Variants in SRP19 observed in about 807,000 individuals in gnomAD.
The protein encoded by SRP19 is signal recognition particle 19.
A neutral mutation model predicts 22.4 loss-of-function variants in SRP19; 11 were observed. That is an observed-to-expected ratio of 0.49 (90% CI 0.31 to 0.81). The LOEUF (loss-of-function observed/expected upper bound fraction) is 0.81. Among genes scored for constraint, SRP19 ranks in the 40% least tolerant of loss-of-function variants. SRP19 has a pLI of 0.05. For missense variants in SRP19, 168 were observed against 175.9 expected, an observed-to-expected ratio of 0.96 and a Z score of 0.25; for synonymous variants, 61 against 57.6, an observed-to-expected ratio of 1.06 and a Z score of -0.27.
chr5:112,892,738 G>A (rs560977214), exon 5 of SRP19: 834 of 1,614,028 alleles, frequency 5.2e-4, no homozygotes, highest in Non-Finnish European at 5.9e-4. Flanking sequence ...CAAGAACTCC[G>A]AGAGGAGGGA....
chr5:112,861,289 GC>G lies in SRP19; in HGVS notation c.-87del. On this transcript the variant is annotated 5_prime_UTR_variant, in exon 1 of 5. Transcript: ENST00000505459. ...GGCAGGACTTCCGGCGGAAAAGCGGGCTGTCTCGGAAACTCAGAGCCGGGTT... is the reference window on the plus strand; with the variant it reads ...GGCAGGACTTCCGGCGGAAAAGCGGGTGTCTCGGAAACTCAGAGCCGGGTT... 1 of 1,484,178 alleles carries G rather than the reference GC, an allele frequency of 6.7e-7. No individual in the cohort carries two copies. The highest frequency in any genetic ancestry group is 9.4e-7 in the Non-Finnish European group (1 of 1,062,174). 91.9% of individuals were successfully genotyped at this position (1,484,178 alleles called of 1,614,324 possible).
chr5:112,878,556 A>G (rs1767966449), intron 4 of SRP19: 1 of 531,138 alleles, frequency 1.9e-6, no homozygotes, highest in South Asian at 3.5e-5. Context: ...CAGAGGCAAA[A>G]TACATTTTCC....
intron 1 of SRP19, chr5:112,862,254 A>C (rs1229538973): frequency 3.7e-6 from 2 of 545,928 alleles, no homozygotes; most frequent in Non-Finnish European, 6.5e-6. Context: ...GACCTGTGCC[A>C]GTCTGATTGG....
chr5:112,888,571 GAA>G (rs1306639710), intron 4 of SRP19, among the ~76,000 whole-genome samples: 1,946 of 143,870 alleles, frequency 0.014, 51 homozygotes, highest in East Asian at 0.07. Flanking sequence ...CTGCAGGCAT[GAA>G]CCACCAGGCC....
intron 4 of SRP19, among the ~76,000 whole-genome samples, chr5:112,866,098 C>CA (rs889432474): frequency 1.0e-4 from 15 of 149,962 alleles, no homozygotes; most frequent in Non-Finnish European, 3.0e-5. Flanking sequence ...ACGATTATGG[C>CA]ACACTGCAGT....
chr5:112,873,069 T>C (rs1025011808), downstream of SRP19, among the ~76,000 whole-genome samples: 1 of 147,774 alleles, frequency 6.8e-6, no homozygotes, highest in East Asian at 2.0e-4. Context: ...AATATAACAG[T>C]TGTGTGCTTT....
At chr5:112,893,164 C>G (rs1180500707), downstream of SRP19, 1 of 626,908 alleles carries the variant, frequency 1.6e-6, no homozygotes, top group African/African-American at 1.9e-5. Flanking sequence ...AATCCCAGCA[C>G]TTTAGGAGGC....
intron 4 of SRP19, chr5:112,877,966 G>GAGTT (rs1223768660): frequency 1.3e-5 from 2 of 149,898 alleles, no homozygotes; most frequent in South Asian, 2.1e-4. Flanking sequence ...AGGGAATTGA[G>GAGTT]AGTTACAGGT....
exon 5 of SRP19, chr5:112,891,645 T>G: frequency 6.2e-7 from 1 of 1,606,256 alleles, no homozygotes; most frequent in East Asian, 2.2e-5. Flanking sequence ...GCAAGATGGC[T>G]GCACTTGAGA....
chr5:112,890,549 T>G (rs1244874202), intron 4 of SRP19, among the ~76,000 whole-genome samples: 1 of 150,082 alleles, frequency 6.7e-6, no homozygotes, highest in African/African-American at 2.5e-5. Context: ...GGCTAATTTT[T>G]GTACTTTTTG....
chr5:112,884,778 G>A (rs998673318), intron 4 of SRP19, among the ~76,000 whole-genome samples: 1 of 107,570 alleles, frequency 9.3e-6, no homozygotes, highest in Non-Finnish European at 1.8e-5. Flanking sequence ...TCCAGTCCTT[G>A]GCCCCCCCCC....
chr5:112,895,511 T>A (rs1227929648), downstream of SRP19: 1 of 149,736 alleles, frequency 6.7e-6, no homozygotes, highest in Non-Finnish European at 1.5e-5. Context: ...TGTCCACAGT[T>A]TTGTACCTCT....
In SRP19 at chr5:112,867,421, T is replaced by C. The variant is rs1367529631; in HGVS notation, c.319T>C (p.Tyr107His). ...GTTCCTAGGTAAGTCAGTAATGTTGTATGCAGCAGAAATGATACCTAAACT... is the reference window on the plus strand; with the variant it reads ...GTTCCTAGGTAAGTCAGTAATGTTGCATGCAGCAGAAATGATACCTAAACT... ...QFPSRKSVML[Y>H]AAEMIPKLKT... The change falls in exon 5 of 5, where the codon TAT becomes CAT. Residue 107 changes from tyrosine (Y) to histidine (H), a missense_variant. Coordinates refer to ENST00000505459, the MANE Select transcript of SRP19 (RefSeq NM_003135.3). 1.4e-5 allele frequency: 22 copies of C among 1,613,610 alleles called. No individual in the cohort carries two copies. Among genetic ancestry groups the C allele is most frequent in the Non-Finnish European group, 1.9e-5 (22 of 1,179,798 alleles).
intron 4 of SRP19, chr5:112,885,483 C>T: frequency 5.1e-6 from 1 of 195,950 alleles, no homozygotes. Flanking sequence ...CTATTTGATG[C>T]TTGACATCCC....
Position 112,888,783 on chromosome 5 carries a change from G to T in SRP19, c.302-2820G>T, listed in dbSNP as rs6862066. Among the ~76,000 whole-genome samples the T allele has an allele frequency of 4.5e-3, 683 of 150,944 alleles. 46 individuals carry two copies. The highest frequency in any genetic ancestry group is 0.016 in the African/African-American group (662 of 40,652). ...CACCTGTAGTCCCAGTGACTTGGGAGGCCAAGGTGCAAGGATTGCTTGGGC... is the reference window on the plus strand; with the variant it reads ...CACCTGTAGTCCCAGTGACTTGGGATGCCAAGGTGCAAGGATTGCTTGGGC... On this transcript the variant is annotated intron_variant, in intron 4 of 4. Transcript: ENST00000391338.
chr5:112,886,522 A>AG (rs1488364753), intron 4 of SRP19, among the ~76,000 whole-genome samples: 1 of 152,178 alleles, frequency 6.6e-6, no homozygotes, highest in Non-Finnish European at 1.5e-5. Flanking sequence ...CACATACCTG[A>AG]GGGGGCTCTT....
At chr5:112,889,878 G>A (rs1387535225) in intron 4 of SRP19, among the ~76,000 whole-genome samples, 1 of 148,692 alleles carries the variant, frequency 6.7e-6, no homozygotes, top group Non-Finnish European at 1.5e-5. Flanking sequence ...CCAGGCTGGA[G>A]TGCTGTGGCA....
rs67108157 is a variant in SRP19, at chr5:112,866,116, C to CTT, written c.302-1274_302-1273dup. On this transcript the variant is annotated intron_variant, in intron 4 of 4. Transcript: ENST00000505459. The stretch of plus-strand genomic sequence containing the variant: ...ATTATGGCACACTGCAGTCTTTTTT[C>CTT]TTTTTTTTTTTTTTTCTGAGACAGA... 1.9e-4 allele frequency among the ~76,000 whole-genome samples: 27 copies of CTT among 142,014 alleles called. 1 individual carries two copies. Among genetic ancestry groups the CTT allele is most frequent in the African/African-American group, 7.0e-4 (27 of 38,654 alleles). The allele number at this position is 142,014 out of a possible 152,430, so 93.2% of individuals were successfully genotyped here.
chr5:112,873,088 C>CTTTT (rs34944142), downstream of SRP19, among the ~76,000 whole-genome samples: 4 of 116,666 alleles, frequency 3.4e-5, no homozygotes, highest in African/African-American at 9.3e-5. Context: ...TTGTGTGGGT[C>CTTTT]TTTTTTTTTT....
Sources: allele counts gnomAD v4.1 joint callset (sites outside exome capture counted in the v4.1 genomes callset), GRCh38; gene constraint gnomAD v4.1.1; transcripts MANE v1.5; gene names NCBI Gene and HGNC (gene_info 2026-07-23, HGNC 2026-07-21).